The following MGA variants were observed in gnomAD, a reference collection of about 807,000 sequenced individuals.
MGA encodes the protein MAX gene-associated protein.
In MGA, 40 loss-of-function variants were observed where a neutral mutation model predicts 261.1. The ratio of observed to expected loss-of-function variants is 0.15; its 90% CI spans 0.12 to 0.20. The LOEUF is 0.20. Among genes scored for constraint, MGA ranks in the 10% least tolerant of loss-of-function variants. The probability of loss-of-function intolerance (pLI) is 1.00; values close to 1 mark genes in which losing one functional copy is unlikely to be tolerated. For synonymous variants in MGA, 1,302 were observed against 1,290.6 expected (o/e 1.01, Z -0.19); for missense variants, 3,397 against 3,630.5 (o/e 0.94, Z 1.65).
At chr15:41,725,403 C>T (rs1217193212) in intron 9 of MGA, among the ~76,000 whole-genome samples, 1 of 152,020 alleles carries the variant, frequency 6.6e-6, no homozygotes, top group Admixed American at 6.6e-5. Context: ...AAGACCTATG[C>T]AGGCATGGTG....
chr15:41,749,161 C>T lies in MGA; in HGVS notation c.5554C>T (p.Pro1852Ser). 6.2e-7 allele frequency: 1 copy of T among 1,614,022 alleles called. No homozygotes were observed. Among genetic ancestry groups the T allele is most frequent in the Non-Finnish European group, 8.5e-7 (1 of 1,179,890 alleles). ...TGCTCCTTCCAAACCCTCTGAGACT[C>T]CGCCATCTTCCACTTCGTCCTCTGC... Residue 1852 changes from proline (P) to serine (S), a missense_variant, in exon 17 of 24, where the codon CCG becomes TCG. Physicochemically the swap from Pro to Ser is moderately conservative, Grantham distance 74. Transcript: ENST00000219905.
chr15:41,651,659 C>T (rs371155292), intron 1 of MGA, among the ~76,000 whole-genome samples: 9 of 102,048 alleles, frequency 8.8e-5, no homozygotes, highest in African/African-American at 1.4e-4. Flanking sequence ...CTCTCCCTTC[C>T]CCCTTCTCCT....
intron 9 of MGA, among the ~76,000 whole-genome samples, chr15:41,719,877 G>A (rs1227214773): frequency 6.6e-6 from 1 of 152,164 alleles, no homozygotes; most frequent in Admixed American, 6.5e-5. Context: ...GTAATTTGCT[G>A]TATAACGGAT....
chr15:41,718,618 C>T, intron 9 of MGA: 1 of 307,812 alleles, frequency 3.2e-6, no homozygotes, highest in East Asian at 4.5e-5. Context: ...GGGATTTTTA[C>T]ATTGCTAATG....
chr15:41,729,093 A>C, intron 10 of MGA, 71 bp from the exon 11 acceptor site: 1 of 1,429,310 alleles, frequency 7.0e-7, no homozygotes, highest in Non-Finnish European at 9.5e-7. Context: ...AAGATTAAAC[A>C]TTCGTTTTGT....
intron 13 of MGA, among the ~76,000 whole-genome samples, chr15:41,737,632 T>C (rs187437507): frequency 6.6e-6 from 1 of 152,334 alleles, no homozygotes; most frequent in Admixed American, 6.5e-5. Context: ...AGTAAAATTA[T>C]ACTGGCATAT....
intron 1 of MGA, among the ~76,000 whole-genome samples, chr15:41,666,594 T>TA (rs909061904): frequency 1.2e-4 from 19 of 152,176 alleles, no homozygotes; most frequent in Non-Finnish European, 2.1e-4. Flanking sequence ...AGAGGTACAA[T>TA]AAAAAACTTT....
intron 5 of MGA, among the ~76,000 whole-genome samples, chr15:41,705,066 A>T (rs941485988): frequency 6.6e-6 from 1 of 152,204 alleles, no homozygotes; most frequent in Non-Finnish European, 1.5e-5. Flanking sequence ...GTTTTTCACA[A>T]TATGCTTTCT....
chr15:41,656,363 T>A (rs2057186861), upstream of MGA, among the ~76,000 whole-genome samples: 1 of 137,282 alleles, frequency 7.3e-6, no homozygotes, highest in Non-Finnish European at 1.6e-5. Flanking sequence ...TCTCTCTCTC[T>A]CTCTCTCTCT....
At chr15:41,655,416 G>A (rs901530686), upstream of MGA, among the ~76,000 whole-genome samples, 4 of 151,932 alleles carry the variant, frequency 2.6e-5, no homozygotes, top group South Asian at 4.2e-4. Context: ...CAAGTGATCC[G>A]TCCACCTTGG....
intron 2 of MGA, among the ~76,000 whole-genome samples, chr15:41,690,053 C>G (rs1225162376): frequency 1.3e-5 from 2 of 152,136 alleles, no homozygotes; most frequent in African/African-American, 4.8e-5. Context: ...TTACCAGCAC[C>G]CCAGAAAGAA....
chr15:41,637,352 T>C (rs1259205219), intron 1 of MGA, among the ~76,000 whole-genome samples: 1 of 152,188 alleles, frequency 6.6e-6, no homozygotes, highest in African/African-American at 2.4e-5. Context: ...ATTGATTGAC[T>C]TAATTGTCTG....
At chr15:41,720,648 A>G (rs1340571676) in intron 9 of MGA, among the ~76,000 whole-genome samples, 3 of 152,142 alleles carry the variant, frequency 2.0e-5, no homozygotes, top group Non-Finnish European at 2.9e-5. Context: ...CCTGTGCAAC[A>G]TGGCGAAACC....
chr15:41,706,035 G>C (rs527637264), intron 5 of MGA, among the ~76,000 whole-genome samples: 1 of 151,914 alleles, frequency 6.6e-6, no homozygotes, highest in Non-Finnish European at 1.5e-5. Flanking sequence ...TCAGGATTTC[G>C]AGAGCAGCCT....
At chr15:41,760,038 G>A (rs184339158) in intron 19 of MGA, 106 of 317,988 alleles carry the variant, frequency 3.3e-4, no homozygotes, top group African/African-American at 1.8e-3. Flanking sequence ...TTCAGATCTC[G>A]TACGCCTGTA....
chr15:41,679,827 C>A (rs2058577150), intron 2 of MGA, among the ~76,000 whole-genome samples: 1 of 151,902 alleles, frequency 6.6e-6, no homozygotes, highest in Non-Finnish European at 1.5e-5. Context: ...TTTACAAACT[C>A]CTTGACAATT....
chr15:41,745,306 A>AAAAAG (rs1567070597), intron 15 of MGA, among the ~76,000 whole-genome samples: 1 of 136,848 alleles, frequency 7.3e-6, no homozygotes, highest in Admixed American at 7.7e-5. Context: ...AAAAAAAAAA[A>AAAAAG]AGAGACAGCA....
At position 41,768,345 on chromosome 15, in the gene MGA, A is replaced by G. The variant is rs958729682; in HGVS notation, c.*1065A>G. On this transcript the variant is annotated 3_prime_UTR_variant, in exon 24 of 24. Transcript: ENST00000219905. ...AATGATCTGTAGAGCTTTTTCACTC[A>G]TTAACTGTCAGGATATGAAGGACTG... 1 of 152,658 alleles carries G rather than the reference A, an allele frequency of 6.6e-6. No individual in the cohort carries two copies. Among genetic ancestry groups the G allele is most frequent in the Non-Finnish European group, 1.5e-5 (1 of 68,032 alleles). 9.5% of individuals were successfully genotyped at this position (152,658 alleles called of 1,614,324 possible). A position where few individuals can be genotyped will look rare whatever the true frequency, so the allele number is the denominator to read the frequency against.
intron 15 of MGA, among the ~76,000 whole-genome samples, chr15:41,746,610 C>A (rs1595954044): frequency 6.9e-6 from 1 of 144,308 alleles, no homozygotes; most frequent in Non-Finnish European, 1.5e-5. Context: ...TGATTATTTT[C>A]ATGAACAGTT....
Sources: gnomAD v4.1 joint callset for allele counts (sites outside exome capture counted in the v4.1 genomes callset) on GRCh38, gnomAD v4.1.1 for gene constraint, MANE v1.5 for transcripts, NCBI Gene and HGNC (gene_info 2026-07-23, HGNC 2026-07-21) for gene names.